The following ZNF407 variants were observed in gnomAD, a reference collection of about 807,000 sequenced individuals.
The protein encoded by ZNF407 is zinc finger protein 407.
In ZNF407, 17 loss-of-function variants were observed where a neutral mutation model predicts 131.2. The ratio of observed to expected loss-of-function variants is 0.13; its 90% CI spans 0.09 to 0.19. ZNF407 has a LOEUF of 0.19. Among genes scored for constraint, ZNF407 ranks in the 10% least tolerant of loss-of-function variants. The probability of loss-of-function intolerance (pLI) is 1.00; values close to 1 mark genes in which losing one functional copy is unlikely to be tolerated. For synonymous variants in ZNF407, 1,156 were observed against 1,062.0 expected (o/e 1.09, Z -1.72); for missense variants, 2,681 against 2,830.6 (o/e 0.95, Z 1.20).
intron 4 of ZNF407, among the ~76,000 whole-genome samples, chr18:74,801,245 TCA>T (rs1970014497): frequency 6.6e-6 from 1 of 152,172 alleles, no homozygotes; most frequent in African/African-American, 2.4e-5. Flanking sequence ...TGTAAAACAT[TCA>T]GTTTGTCACA....
chr18:74,620,937 A>G (rs993994261), intron 1 of ZNF407, among the ~76,000 whole-genome samples: 2 of 152,186 alleles, frequency 1.3e-5, no homozygotes, highest in African/African-American at 4.8e-5. Flanking sequence ...CCAAGCTGGC[A>G]AGGAACACAT....
chr18:74,700,408 T>A (rs1967463692), intron 3 of ZNF407, among the ~76,000 whole-genome samples: 1 of 152,238 alleles, frequency 6.6e-6, no homozygotes, highest in Admixed American at 6.5e-5. Flanking sequence ...AGAAAGCTGC[T>A]GAACATGTGC....
Position 74,892,643 on chromosome 18 carries a change from A to G in ZNF407, c.5249+2605A>G, listed in dbSNP as rs542996485. On this transcript the variant is annotated intron_variant, in intron 7 of 8. Coordinates refer to ENST00000299687, the MANE Select transcript of ZNF407 (RefSeq NM_017757.3). ...ATACCTGCCAATATGCTTTTCTTAA[A>G]AAACAGTTTTTGAAGTAGTTAAAAA... 1.4e-4 allele frequency among the ~76,000 whole-genome samples: 21 copies of G among 152,336 alleles called. No individual in the cohort carries two copies. The South Asian group carries it at 2.9e-3, about 21-fold the overall frequency.
At chr18:75,011,531 AT>A (rs1220648926) in intron 8 of ZNF407, among the ~76,000 whole-genome samples, 4 of 152,328 alleles carry the variant, frequency 2.6e-5, no homozygotes, top group South Asian at 4.1e-4. Context: ...CATAAAAAAA[AT>A]CTTTGCTTAC....
At chr18:74,961,802 G>A (rs1972348684) in intron 8 of ZNF407, among the ~76,000 whole-genome samples, 1 of 151,592 alleles carries the variant, frequency 6.6e-6, no homozygotes, top group Non-Finnish European at 1.5e-5. Flanking sequence ...TGAGAAATGT[G>A]TTCACCAATC....
intron 7 of ZNF407, among the ~76,000 whole-genome samples, chr18:74,895,034 G>T (rs754223893): frequency 6.6e-6 from 1 of 151,850 alleles, no homozygotes; most frequent in Non-Finnish European, 1.5e-5. Context: ...TAGAAAGTCT[G>T]TATCTCGTGG....
intron 3 of ZNF407, among the ~76,000 whole-genome samples, chr18:74,645,609 T>C (rs866859582): frequency 4.2e-4 from 63 of 151,334 alleles, no homozygotes; most frequent in African/African-American, 1.5e-3. Flanking sequence ...AAATCTTAAA[T>C]AGAAAGTTAC....
chr18:75,049,221 T>A (rs1973471406), intron 8 of ZNF407, among the ~76,000 whole-genome samples: 1 of 152,116 alleles, frequency 6.6e-6, no homozygotes, highest in Admixed American at 6.5e-5. Context: ...TTCATGTTGT[T>A]TGCATTTGGA....
chr18:74,630,925 C>T, intron 1 of ZNF407, 42 bp from the exon 2 acceptor site: 4 of 1,405,738 alleles, frequency 2.8e-6, no homozygotes, highest in Non-Finnish European at 3.8e-6. Context: ...ATACGTGTGT[C>T]TTTATATTCA....
At chr18:74,926,158 G>C (rs988966623) in intron 8 of ZNF407, among the ~76,000 whole-genome samples, 1 of 152,160 alleles carries the variant, frequency 6.6e-6, no homozygotes, top group Non-Finnish European at 1.5e-5. Context: ...GGAGCTGTCT[G>C]CCATAGCAGT....
intron 3 of ZNF407, among the ~76,000 whole-genome samples, chr18:74,653,862 GAA>G (rs762110767): frequency 1.3e-5 from 2 of 151,498 alleles, no homozygotes; most frequent in Non-Finnish European, 3.0e-5. Flanking sequence ...CTATTTTTTA[GAA>G]AAAAATGAAT....
chr18:74,767,787 G>A (rs1969273006), intron 3 of ZNF407, among the ~76,000 whole-genome samples: 1 of 149,116 alleles, frequency 6.7e-6, no homozygotes, highest in African/African-American at 2.5e-5. Context: ...CTGAGTAGCT[G>A]GGACTAGAGG....
chr18:74,829,751 A>G (rs1455776016), intron 4 of ZNF407, among the ~76,000 whole-genome samples: 1 of 150,910 alleles, frequency 6.6e-6, no homozygotes, highest in Non-Finnish European at 1.5e-5. Flanking sequence ...CATCTTTAAG[A>G]TGTGAGGTTT....
At chr18:74,924,327 TA>T (rs532645751) in intron 8 of ZNF407, among the ~76,000 whole-genome samples, 24 of 145,554 alleles carry the variant, frequency 1.6e-4, no homozygotes, top group East Asian at 4.0e-4. Flanking sequence ...TGTATATACT[TA>T]AAAAAAAAAA....
intron 4 of ZNF407, among the ~76,000 whole-genome samples, chr18:74,805,221 A>G (rs1372288991): frequency 1.3e-5 from 2 of 152,216 alleles, no homozygotes; most frequent in Non-Finnish European, 2.9e-5. Flanking sequence ...CAGAACTTCT[A>G]TAATGAAAAT....
At chr18:74,699,325 T>A (rs1967437469) in intron 3 of ZNF407, among the ~76,000 whole-genome samples, 1 of 152,216 alleles carries the variant, frequency 6.6e-6, no homozygotes, top group African/African-American at 2.4e-5. Context: ...TCCTCATTTT[T>A]ATGAAAACAT....
intron 3 of ZNF407, among the ~76,000 whole-genome samples, chr18:74,662,094 C>T (rs546362456): frequency 4.6e-5 from 7 of 150,884 alleles, no homozygotes; most frequent in African/African-American, 1.2e-4. Flanking sequence ...ATTATGCCAT[C>T]GAGTCTTTGC....
At chr18:74,852,201 A>ACG (rs769666279) in intron 4 of ZNF407, among the ~76,000 whole-genome samples, 1 of 147,662 alleles carries the variant, frequency 6.8e-6, no homozygotes, top group South Asian at 2.2e-4. Flanking sequence ...ACACACACGC[A>ACG]CGCACGCACG....
intron 7 of ZNF407, among the ~76,000 whole-genome samples, chr18:74,913,229 G>A (rs1971698430): frequency 6.6e-6 from 1 of 152,156 alleles, no homozygotes; most frequent in Admixed American, 6.5e-5. Flanking sequence ...CATGGCACCT[G>A]GAGAAATGGA....
Sources: allele counts gnomAD v4.1 joint callset (sites outside exome capture counted in the v4.1 genomes callset), GRCh38; gene constraint gnomAD v4.1.1; transcripts MANE v1.5; gene names NCBI Gene and HGNC (gene_info 2026-07-23, HGNC 2026-07-21).